DAB2: variants seen among roughly 807,000 people sequenced by gnomAD.
DAB2 encodes disabled homolog 2.
DAB2 carries 28 observed loss-of-function variants against 71.6 expected under a neutral mutation model. That is an observed-to-expected ratio of 0.39 (90% CI 0.29 to 0.54). The LOEUF (loss-of-function observed/expected upper bound fraction) is 0.54, where lower values mean the gene tolerates loss of function less well. Among genes scored for constraint, DAB2 ranks in the 20% least tolerant of loss-of-function variants. The pLI, the probability that DAB2 is intolerant of heterozygous loss-of-function variation, is 0.68. For synonymous variants in DAB2, 345 were observed against 339.7 expected, an observed-to-expected ratio of 1.02 and a Z score of -0.17; for missense variants, 867 against 928.8, an observed-to-expected ratio of 0.93 and a Z score of 0.86.
intron 1 of DAB2, among the ~76,000 whole-genome samples, chr5:39,408,006 AATT>A (rs1339159234): frequency 5.9e-5 from 9 of 152,246 alleles, no homozygotes; most frequent in Non-Finnish European, 1.2e-4. Flanking sequence ...AGCCTGGCTA[AATT>A]ATATAAAATC....
Position 39,390,565 on chromosome 5 carries a change from T to C in DAB2, c.341A>G (p.His114Arg), listed in dbSNP as rs745538574. The change falls in exon 5 of 15, where the codon CAT becomes CGT. Residue 114 changes from histidine (H) to arginine (R), a missense_variant. His to Arg is a conservative substitution (Grantham distance 29). Around this residue, in one of 2 missense-constraint regions of DAB2, gnomAD observed 127 missense variants for 194.4 expected, o/e 0.65. Coordinates refer to ENST00000320816, the MANE Select transcript of DAB2 (RefSeq NM_001343.4). The stretch of plus-strand genomic sequence containing the variant: ...AGAAATCTTATTTACTGGATGTTCA[T>C]GCTCTATTACCTTAAAAAAGAACAT... ...IIDEKTGVIE[H>R]EHPVNKISFI... is the part of the protein sequence containing the mutation. 1 of 1,612,482 alleles carries C rather than the reference T, an allele frequency of 6.2e-7. No homozygotes were observed. The highest frequency in any genetic ancestry group is 1.1e-5 in the South Asian group (1 of 90,990).
rs1350909644 is a variant in DAB2 at position 39,394,246 on chromosome 5, CTTT to C, written c.72_74del (p.Lys26del). On this transcript the variant is annotated inframe_deletion, in exon 2 of 15. Coordinates refer to ENST00000320816, the MANE Select transcript of DAB2 (RefSeq NM_001343.4). Reference sequence around the variant, plus strand: ...TCTCCATACCTTTCTTTTTTTCCTTCTTTGAGGGTGCTTTTGGTGCGGCCTGTT... The same window carrying C: ...TCTCCATACCTTTCTTTTTTTCCTTCGAGGGTGCTTTTGGTGCGGCCTGTT... The C allele has an allele frequency of 6.2e-7, 1 of 1,613,476 alleles. No homozygotes were observed. Among genetic ancestry groups the C allele is most frequent in the Non-Finnish European group, 8.5e-7 (1 of 1,179,782 alleles).
At position 39,383,275 on chromosome 5, in the gene DAB2, T is replaced by C; in HGVS notation, c.688-4A>G. 3.8e-6 allele frequency: 6 copies of C among 1,591,690 alleles called. No homozygotes were observed. The highest frequency in any genetic ancestry group is 3.4e-5 in the South Asian group (3 of 88,106). ...CTAACAGGATATCTTTGCTTTCCTA[T>C]CACATTTGGAAAGAAAAAAAAAGAA... On this transcript the variant is annotated splice_polypyrimidine_tract_variant and splice_region_variant and intron_variant, in intron 9 of 14. Transcript: ENST00000320816.
At chr5:39,399,799 T>G (rs1370868101) in intron 1 of DAB2, among the ~76,000 whole-genome samples, 1 of 152,246 alleles carries the variant, frequency 6.6e-6, no homozygotes, top group Non-Finnish European at 1.5e-5. Context: ...ATATAAAATG[T>G]CTAGTGTTTT....
intron 9 of DAB2, among the ~76,000 whole-genome samples, chr5:39,384,559 T>C (rs62358396): frequency 0.029 from 4,362 of 152,276 alleles, 75 homozygotes; most frequent in Non-Finnish European, 0.043. Context: ...GAAAGACATA[T>C]CAAATATGTA....
rs1297766147 is a variant in DAB2, at chr5:39,376,966, C to T, written c.1821G>A (p.Gln607=). ...NIFPAPAVST[Q]PPSMHSSLLV... ...GGAGAGAGGAGTGCATGGATGGGGG[C>T]TGAGTGGACACAGCAGGAGCTGGAA... Residue 607 remains glutamine, a synonymous_variant, in exon 12 of 15, where the codon CAG becomes CAA. Transcript: ENST00000320816. 6.2e-7 allele frequency: 1 copy of T among 1,614,074 alleles called. No individual in the cohort carries two copies. Among genetic ancestry groups the T allele is most frequent in the East Asian group, 2.2e-5 (1 of 44,884 alleles).
intron 4 of DAB2, 38 bp from the exon 5 acceptor site, chr5:39,390,613 C>T: frequency 6.5e-7 from 1 of 1,544,708 alleles, no homozygotes; most frequent in Non-Finnish European, 8.9e-7. Context: ...ATTAAGAAAA[C>T]TAGAATCTAT....
chr5:39,397,577 G>A (rs1030538779), intron 1 of DAB2, among the ~76,000 whole-genome samples: 4 of 152,140 alleles, frequency 2.6e-5, no homozygotes, highest in African/African-American at 9.7e-5. Flanking sequence ...GCTAAGCAGG[G>A]TCAGGCCTGG....
chr5:39,374,825 GA>G, intron 14 of DAB2, 188 bp downstream of exon 14: 1 of 563,938 alleles, frequency 1.8e-6, no homozygotes, highest in South Asian at 2.3e-5. Flanking sequence ...ATGTGTTTAG[GA>G]ATTCTATTCT....
In DAB2 at chr5:39,383,184, C is replaced by T. The variant is rs776688156; in HGVS notation, c.775G>A (p.Gly259Ser). The T allele has an allele frequency of 3.7e-6, 6 of 1,613,770 alleles. No individual in the cohort carries two copies. The highest frequency in any genetic ancestry group is 1.7e-5 in the Admixed American group (1 of 59,964). ...CGAGGAAGAGAACAGGAGGTGATGC[C>T]GTTTGTTAAGAATGGATTTTCTCTT... ...SLRENPFLTN[G>S]ITSCSLPRPT... is the part of the protein sequence containing the mutation. The change falls in exon 10 of 15, where the codon GGC becomes AGC. Residue 259 changes from glycine to serine, a missense_variant. By Grantham distance (56) the Gly-to-Ser change is moderately conservative. Transcript: ENST00000320816.
chr5:39,404,440 T>A (rs1418994069), intron 1 of DAB2, among the ~76,000 whole-genome samples: 9 of 107,832 alleles, frequency 8.3e-5, no homozygotes, highest in East Asian at 5.0e-4. Flanking sequence ...AAATAAAAAA[T>A]AAATGCATGT....
intron 1 of DAB2, among the ~76,000 whole-genome samples, chr5:39,411,587 C>T (rs1450801568): frequency 6.6e-6 from 1 of 152,144 alleles, no homozygotes; most frequent in African/African-American, 2.4e-5. Flanking sequence ...TTTTCTAGTC[C>T]TCCTATGTAG....
intron 9 of DAB2, chr5:39,385,085 C>A: frequency 6.6e-6 from 1 of 151,952 alleles, no homozygotes; most frequent in Non-Finnish European, 1.5e-5. Context: ...TTTTGGATTC[C>A]TTTACTGTGA....
chr5:39,412,613 C>A (rs1192159350), intron 1 of DAB2, among the ~76,000 whole-genome samples: 1 of 152,078 alleles, frequency 6.6e-6, no homozygotes, highest in Non-Finnish European at 1.5e-5. Flanking sequence ...ATTTGGGAAT[C>A]CAGGACTGAG....
In DAB2 at chr5:39,390,453, G is replaced by A. The variant is rs373659542; in HGVS notation, c.453C>T (p.Thr151=). 16 of 1,613,908 alleles carry A rather than the reference G, an allele frequency of 9.9e-6. No homozygotes were observed. The highest frequency in any genetic ancestry group is 3.3e-5 in the South Asian group (3 of 91,036). Reference sequence around the variant, plus strand: ...AAGACTTAGAGCTCACCTGTTGCCCGGTTTTTATGGCAAAAAACTGATGCT... The same window carrying A: ...AAGACTTAGAGCTCACCTGTTGCCCAGTTTTTATGGCAAAAAACTGATGCT... ...EGQHQFFAIK[T]GQQAEPLVVD... is the part of the protein sequence containing the mutation. Residue 151 remains threonine (T), a synonymous_variant, in exon 5 of 15, where the codon ACC becomes ACT. Transcript: ENST00000320816.
chr5:39,381,785 A>G (rs1295070138), intron 10 of DAB2, among the ~76,000 whole-genome samples, 169 bp from the exon 11 acceptor site: 1 of 152,228 alleles, frequency 6.6e-6, no homozygotes, highest in Admixed American at 6.5e-5. Flanking sequence ...GTCCTCCAAA[A>G]AAAGACACAG....
chr5:39,391,906 A>G (rs1400322402), intron 4 of DAB2, among the ~76,000 whole-genome samples: 1 of 151,114 alleles, frequency 6.6e-6, no homozygotes, highest in Non-Finnish European at 1.5e-5. Context: ...CATGTAAGCA[A>G]TACATAAAAG....
chr5:39,376,875 T>C lies in DAB2; in HGVS notation c.1912A>G (p.Thr638Ala). ...TTATCCCCAAGTGGGTCTAAGGCAG[T>C]GAAGGCATCACTGGAGATGTCCTTG... is the stretch of plus-strand genomic sequence containing the variant. ...PPKDISSDAF[T>A]ALDPLGDKEI... Residue 638 changes from threonine to alanine, a missense_variant, in exon 12 of 15, where the codon ACT becomes GCT. Thr to Ala is a moderately conservative substitution (Grantham distance 58). Transcript: ENST00000320816. 1 of 1,614,114 alleles carries C rather than the reference T, an allele frequency of 6.2e-7. No individual in the cohort carries two copies. The highest frequency in any genetic ancestry group is 8.5e-7 in the Non-Finnish European group (1 of 1,180,018).
At chr5:39,393,182 A>C in intron 3 of DAB2, 72 bp downstream of exon 3, 51 of 1,485,106 alleles carry the variant, frequency 3.4e-5, no homozygotes, top group Non-Finnish European at 4.4e-5. Context: ...TAGGTCAACA[A>C]GAGCTTCTAA....
Sources: allele counts gnomAD v4.1 joint callset (sites outside exome capture counted in the v4.1 genomes callset), GRCh38; gene constraint gnomAD v4.1.1; regional missense constraint gnomAD v4.1.1; transcripts MANE v1.5; gene names NCBI Gene and HGNC (gene_info 2026-07-23, HGNC 2026-07-21).